The following SH3KBP1 variants were observed in gnomAD, a reference collection of about 807,000 sequenced individuals.
SH3KBP1 encodes SH3 domain containing kinase binding protein 1, also known as SH3 domain-containing kinase-binding protein 1.
In SH3KBP1, 8 loss-of-function variants were observed where a neutral mutation model predicts 50.1. That is an observed-to-expected ratio of 0.16 (90% CI 0.09 to 0.29). The LOEUF is 0.29. Ranked by LOEUF, SH3KBP1 falls within the 10% of genes least tolerant of loss-of-function variation. The pLI is 1.00. For synonymous variants in SH3KBP1, 227 were observed against 218.6 expected (o/e 1.04, Z -0.34); for missense variants, 377 against 535.2 (o/e 0.70, Z 2.92).
intron 3 of SH3KBP1, among the ~76,000 whole-genome samples, chrX:19,714,985 A>G (rs762648307): frequency 1.8e-5 from 2 of 111,776 alleles, no homozygotes; most frequent in Non-Finnish European, 1.9e-5. Flanking sequence ...TTTAAGGAAA[A>G]AAATCAGGCC....
chrX:19,590,809 ATTTTTTTTTTTTTT>A (rs34366083), intron 11 of SH3KBP1, among the ~76,000 whole-genome samples: 59 of 23,769 alleles, frequency 2.5e-3, no homozygotes, highest in African/African-American at 7.9e-3. Context: ...AGGCCTGGCT[ATTTTTTTTTTTTTT>A]TTTTTTTTTT....
chrX:19,571,058 C>T lies in SH3KBP1; in HGVS notation c.1299-1870G>A, dbSNP rs751347869. Reference sequence around the variant, plus strand: ...AGGTGAGTCCTCCTCAACTCCCAAGCAAAAAACACTGCCTCTTAACCTCAA... The same window carrying T: ...AGGTGAGTCCTCCTCAACTCCCAAGTAAAAAACACTGCCTCTTAACCTCAA... On this transcript the variant is annotated intron_variant, in intron 12 of 17. Coordinates refer to ENST00000397821, the MANE Select transcript of SH3KBP1 (RefSeq NM_031892.3). 2.7e-5 allele frequency among the ~76,000 whole-genome samples: 3 copies of T among 112,056 alleles called. No individual in the cohort carries two copies. The South Asian group carries it at 1.1e-3, about 41-fold the overall frequency.
intron 6 of SH3KBP1, among the ~76,000 whole-genome samples, chrX:19,667,571 G>T (rs1332058253): frequency 9.0e-6 from 1 of 111,577 alleles, no homozygotes; most frequent in Non-Finnish European, 1.9e-5. Flanking sequence ...CAAGACTGCA[G>T]TGAGCTGTGA....
chrX:19,751,492 T>A (rs1033444660), intron 2 of SH3KBP1, among the ~76,000 whole-genome samples: 8 of 111,425 alleles, frequency 7.2e-5, no homozygotes, highest in South Asian at 3.7e-4. Flanking sequence ...CATATATAAA[T>A]CAGCAATGAT....
At chrX:19,836,357 C>T (rs1165581680) in intron 1 of SH3KBP1, 75 bp from the exon 2 acceptor site, 9 of 888,756 alleles carry the variant, frequency 1.0e-5, no homozygotes, top group Non-Finnish European at 1.5e-5. Context: ...CCCTTGAAGG[C>T]CAGTAAAGTA....
At chrX:19,672,461 C>G (rs1208818981) in intron 6 of SH3KBP1, among the ~76,000 whole-genome samples, 4 of 111,867 alleles carry the variant, frequency 3.6e-5, no homozygotes, top group African/African-American at 1.3e-4. Context: ...AGGTTAACAT[C>G]TATAGCGATA....
chrX:19,774,658 G>GA (rs2078285472), intron 2 of SH3KBP1, among the ~76,000 whole-genome samples: 1 of 30,218 alleles, frequency 3.3e-5, no homozygotes, highest in Non-Finnish European at 5.6e-5. Flanking sequence ...CAAAAAAAAA[G>GA]AAAGAAAGAA....
chrX:19,634,103 GGAAA>G (rs201494843), intron 7 of SH3KBP1, among the ~76,000 whole-genome samples: 11,553 of 72,861 alleles, frequency 0.16, 861 homozygotes, highest in African/African-American at 0.19. Context: ...TGTGACAGAG[GGAAA>G]GAAAGAGAGA....
intron 6 of SH3KBP1, among the ~76,000 whole-genome samples, chrX:19,675,257 C>T (rs2062899297): frequency 9.0e-6 from 1 of 110,969 alleles, no homozygotes; most frequent in Admixed American, 9.6e-5. Flanking sequence ...ACTTAATCCT[C>T]ACAACAACCC....
At chrX:19,657,657 G>A (rs956324106) in intron 6 of SH3KBP1, among the ~76,000 whole-genome samples, 1 of 107,650 alleles carries the variant, frequency 9.3e-6, no homozygotes, top group African/African-American at 3.4e-5. Context: ...GAACCCGGGA[G>A]GCGGAGGTTG....
At chrX:19,620,120 G>A (rs1318837469) in intron 8 of SH3KBP1, among the ~76,000 whole-genome samples, 1 of 112,417 alleles carries the variant, frequency 8.9e-6, no homozygotes, top group Non-Finnish European at 1.9e-5. Context: ...TGGTAGCTAT[G>A]AGAGAAAATC....
intron 6 of SH3KBP1, among the ~76,000 whole-genome samples, chrX:19,668,954 A>G (rs2062699046): frequency 1.6e-5 from 1 of 63,167 alleles, no homozygotes; most frequent in East Asian, 4.2e-4. Flanking sequence ...ATATATATAT[A>G]TATATATATA....
At chrX:19,665,042 T>C (rs2062561551) in intron 6 of SH3KBP1, among the ~76,000 whole-genome samples, 2 of 111,891 alleles carry the variant, frequency 1.8e-5, no homozygotes, top group Admixed American at 9.5e-5. Context: ...ACTTTGTGAA[T>C]AATCTAGAAA....
At chrX:19,643,560 CCTGGTGTCTATGAAAAA>C (rs895827975) in intron 7 of SH3KBP1, among the ~76,000 whole-genome samples, 1 of 109,426 alleles carries the variant, frequency 9.1e-6, no homozygotes, top group Non-Finnish European at 1.9e-5. Context: ...AAATTCTTAT[CCTGGTGTCTATGAAAAA>C]TGTCTGTCAA....
intron 6 of SH3KBP1, among the ~76,000 whole-genome samples, chrX:19,667,373 C>T (rs2062624340): frequency 8.9e-6 from 1 of 111,849 alleles, no homozygotes; most frequent in Non-Finnish European, 1.9e-5. Context: ...CCTGTAATCC[C>T]AGCACTTTGG....
In SH3KBP1 at chrX:19,694,742, C is replaced by T. The variant is rs186116412; in HGVS notation, c.520+870G>A. 3.3e-4 allele frequency among the ~76,000 whole-genome samples: 37 copies of T among 111,844 alleles called. No homozygotes were observed. The East Asian group carries it at 0.01, about 31-fold the overall frequency. ...CATACTACTGGTTAAATAAATGAGA[C>T]ACAAACTAACACGAGAACACCACTC... On this transcript the variant is annotated intron_variant, in intron 5 of 17. Transcript: ENST00000397821.
chrX:19,696,386 T>A (rs1216404681), intron 4 of SH3KBP1, among the ~76,000 whole-genome samples: 2 of 111,857 alleles, frequency 1.8e-5, no homozygotes, highest in East Asian at 5.6e-4. Flanking sequence ...CCTAAAAAAA[T>A]ATAGTTAAGA....
At chrX:19,692,686 TATA>T (rs1569422947) in intron 5 of SH3KBP1, among the ~76,000 whole-genome samples, 9 of 94,083 alleles carry the variant, frequency 9.6e-5, no homozygotes, top group East Asian at 6.4e-4. Context: ...TATATATATA[TATA>T]TTTTTTTTTT....
intron 6 of SH3KBP1, among the ~76,000 whole-genome samples, chrX:19,675,784 G>C (rs1434935234): frequency 8.9e-6 from 1 of 112,050 alleles, no homozygotes; most frequent in African/African-American, 3.2e-5. Flanking sequence ...TAGAAAATAC[G>C]CTAGGCTGAG....
Sources: gnomAD v4.1 joint callset for allele counts (sites outside exome capture counted in the v4.1 genomes callset) on GRCh38, gnomAD v4.1.1 for gene constraint, MANE v1.5 for transcripts, NCBI Gene and HGNC (gene_info 2026-07-23, HGNC 2026-07-21) for gene names.